SGCZ: variants seen among roughly 807,000 people sequenced by gnomAD.
The protein encoded by SGCZ is sarcoglycan zeta.
Under a neutral mutation model 41.3 loss-of-function variants are expected in SGCZ, and 40 were observed. The observed-to-expected ratio is 0.97, with a 90% CI of 0.75 to 1.26. The LOEUF (loss-of-function observed/expected upper bound fraction) is 1.26. Ranked by LOEUF, SGCZ falls within the 50% of genes most tolerant of loss-of-function variation. The pLI is 0.00. For synonymous variants in SGCZ, 206 were observed against 137.5 expected, an observed-to-expected ratio of 1.50 and a Z score of -3.49; for missense variants, 552 against 369.8, an observed-to-expected ratio of 1.49 and a Z score of -4.04.
At chr8:14,916,407 A>G (rs143053311) in intron 1 of SGCZ, among the ~76,000 whole-genome samples, 2,694 of 152,296 alleles carry the variant, frequency 0.018, 39 homozygotes, top group South Asian at 0.041. Context: ...GATAGCATGG[A>G]AGAAAGAAGG....
chr8:14,532,813 C>T (rs944624499), intron 2 of SGCZ, among the ~76,000 whole-genome samples: 1 of 151,404 alleles, frequency 6.6e-6, no homozygotes, highest in African/African-American at 2.4e-5. Flanking sequence ...TAAAGAAAGT[C>T]CCGACTCACT....
intron 4 of SGCZ, among the ~76,000 whole-genome samples, chr8:14,227,390 A>G (rs567455463): frequency 6.6e-6 from 1 of 152,262 alleles, no homozygotes; most frequent in South Asian, 2.1e-4. Context: ...TGGGTTTGTG[A>G]GCATGTTGAA....
chr8:14,293,705 A>G (rs898972003), intron 3 of SGCZ, among the ~76,000 whole-genome samples: 2 of 151,910 alleles, frequency 1.3e-5, no homozygotes, highest in Non-Finnish European at 2.9e-5. Context: ...AAATTATGTT[A>G]AATTACAGGG....
intron 4 of SGCZ, among the ~76,000 whole-genome samples, chr8:14,220,478 C>A (rs888992150): frequency 1.3e-5 from 2 of 152,122 alleles, no homozygotes; most frequent in Non-Finnish European, 2.9e-5. Context: ...AGATCTTGAC[C>A]GTGATCTTAG....
At chr8:14,606,808 T>G (rs1214502699) in intron 1 of SGCZ, among the ~76,000 whole-genome samples, 2 of 152,180 alleles carry the variant, frequency 1.3e-5, no homozygotes, top group Non-Finnish European at 2.9e-5. Context: ...TTATTTTTTG[T>G]TGCTGTTATT....
At chr8:14,490,099 C>A (rs1207075262) in intron 2 of SGCZ, among the ~76,000 whole-genome samples, 1 of 152,068 alleles carries the variant, frequency 6.6e-6, no homozygotes, top group African/African-American at 2.4e-5. Context: ...AACTCCAAAC[C>A]TTGTGATCCA....
rs147480075 is a variant in SGCZ, at chr8:14,663,216, C to T, written c.40-108290G>A. ...TCTTAAATAGGGACAATTGTACCTACCCCTTGGTATGATTTTGAAAATTTA... is the reference window on the plus strand; with the variant it reads ...TCTTAAATAGGGACAATTGTACCTATCCCTTGGTATGATTTTGAAAATTTA... On this transcript the variant is annotated intron_variant, in intron 1 of 7. Coordinates refer to ENST00000382080, the MANE Select transcript of SGCZ (RefSeq NM_139167.4). 5.9e-3 allele frequency among the ~76,000 whole-genome samples: 903 copies of T among 152,248 alleles called. 10 individuals are homozygous for T. Among genetic ancestry groups the T allele is most frequent in the Middle Eastern group, 0.02 (6 of 294 alleles).
chr8:14,927,504 G>T (rs143650422), intron 1 of SGCZ, among the ~76,000 whole-genome samples: 4 of 152,020 alleles, frequency 2.6e-5, no homozygotes, highest in African/African-American at 9.7e-5. Flanking sequence ...AATAAACAAG[G>T]TAGAGAAATA....
chr8:15,014,814 A>C (rs565947497), intron 1 of SGCZ, among the ~76,000 whole-genome samples: 100 of 152,334 alleles, frequency 6.6e-4, no homozygotes, highest in African/African-American at 2.2e-3. Flanking sequence ...CTGTCCAGAC[A>C]ATTAGTTTTA....
At position 14,544,111 on chromosome 8, in the gene SGCZ, C is replaced by A. The variant is rs544236389; in HGVS notation, c.234+10621G>T. On this transcript the variant is annotated intron_variant, in intron 2 of 7. Transcript: ENST00000382080. ...GTTGTGGGAAGTCAGGGACCCCAAA[C>A]GGAGGGACTGGCTAGAGCTGTGGCA... Among the ~76,000 whole-genome samples the A allele has an allele frequency of 1.1e-4, 16 of 152,188 alleles. 1 individual carries two copies. In the Middle Eastern group the frequency reaches 0.014, roughly 129 times the overall value.
chr8:14,742,270 C>T (rs1052211304), intron 1 of SGCZ, among the ~76,000 whole-genome samples: 7 of 152,036 alleles, frequency 4.6e-5, no homozygotes, highest in African/African-American at 1.7e-4. Context: ...CAATAAATTT[C>T]ATGAATTAAA....
At chr8:14,643,749 T>C (rs1335906079) in intron 1 of SGCZ, among the ~76,000 whole-genome samples, 1 of 151,754 alleles carries the variant, frequency 6.6e-6, no homozygotes, top group Non-Finnish European at 1.5e-5. Context: ...CTGTCTTGCA[T>C]AATATAGTAT....
chr8:15,169,102 A>G (rs10097372), intron 1 of SGCZ, among the ~76,000 whole-genome samples: 51,359 of 152,138 alleles, frequency 0.34, 9,209 homozygotes, highest in East Asian at 0.64. Flanking sequence ...CATAGCCTCT[A>G]ACAATGGCCC....
intron 3 of SGCZ, among the ~76,000 whole-genome samples, chr8:14,295,572 T>C (rs1296404564): frequency 6.6e-6 from 1 of 152,150 alleles, no homozygotes; most frequent in Admixed American, 6.6e-5. Context: ...GAGTAAGTAG[T>C]GCAGGATTCA....
chr8:14,878,910 T>TTTGTTGTTG (rs374612950), intron 1 of SGCZ: 1 of 151,992 alleles, frequency 6.6e-6, no homozygotes, highest in African/African-American at 2.4e-5. Context: ...TTCTTACAGT[T>TTTGTTGTTG]TTGTTGTTGT....
At chr8:14,136,934 C>T (rs1443677352) in intron 5 of SGCZ, among the ~76,000 whole-genome samples, 1 of 152,184 alleles carries the variant, frequency 6.6e-6, no homozygotes, top group Non-Finnish European at 1.5e-5. Context: ...AGGTGCCCCT[C>T]TGAGACGAAG....
In SGCZ at chr8:14,407,799, A is replaced by G. The variant is rs556957906; in HGVS notation, c.235-83595T>C. Among the ~76,000 whole-genome samples the G allele has an allele frequency of 6.6e-5, 10 of 152,238 alleles. No individual in the cohort carries two copies. In the South Asian group the frequency reaches 1.9e-3, roughly 28 times the overall value. On this transcript the variant is annotated intron_variant, in intron 2 of 7. Transcript: ENST00000382080. ...ATGTATTTCCCTAGGTCAAGCAGAG[A>G]CTTTCAAATGATGACCTTATTCATT...
At chr8:14,571,621 C>G (rs1235948358) in intron 1 of SGCZ, among the ~76,000 whole-genome samples, 1 of 152,070 alleles carries the variant, frequency 6.6e-6, no homozygotes, top group Non-Finnish European at 1.5e-5. Context: ...AATGCATTTT[C>G]TCCAGAGGCT....
rs187697792 is a variant in SGCZ, at chr8:15,153,357, C to T, written c.39+84228G>A. On this transcript the variant is annotated intron_variant, in intron 1 of 7. Coordinates refer to ENST00000382080, the MANE Select transcript of SGCZ (RefSeq NM_139167.4). Reference sequence around the variant, plus strand: ...TGTTGAAGCCAAAGTGGAATGTGCACCTCATATTTAAAGCCAGGTTATTAT... The same window carrying T: ...TGTTGAAGCCAAAGTGGAATGTGCATCTCATATTTAAAGCCAGGTTATTAT... Among the ~76,000 whole-genome samples, 107 of 152,234 alleles carry T rather than the reference C, an allele frequency of 7.0e-4. 2 individuals carry two copies. The South Asian group carries it at 0.013, about 18-fold the overall frequency.
Sources: allele counts gnomAD v4.1 joint callset (sites outside exome capture counted in the v4.1 genomes callset), GRCh38; gene constraint gnomAD v4.1.1; transcripts MANE v1.5; gene names NCBI Gene and HGNC (gene_info 2026-07-23, HGNC 2026-07-21).